Variants in BMPR1A observed in about 807,000 individuals in gnomAD.
The protein encoded by BMPR1A is bone morphogenetic protein receptor type 1A.
A neutral mutation model predicts 66.0 loss-of-function variants in BMPR1A; 7 were observed. That is an observed-to-expected ratio of 0.11 (90% CI 0.06 to 0.20). BMPR1A has a LOEUF of 0.20. Among genes scored for constraint, BMPR1A ranks in the 10% least tolerant of loss-of-function variants. The pLI, the probability that BMPR1A is intolerant of heterozygous loss-of-function variation, is 1.00. For missense variants in BMPR1A, 408 were observed against 669.1 expected (o/e 0.61, Z 4.31); for synonymous variants, 200 against 229.7 (o/e 0.87, Z 1.17).
At chr10:86,806,814 TC>T (rs1484123293) in intron 1 of BMPR1A, among the ~76,000 whole-genome samples, 2 of 152,032 alleles carry the variant, frequency 1.3e-5, no homozygotes, top group Non-Finnish European at 2.9e-5. Flanking sequence ...CCTCCCAAAG[TC>T]CTGGGATTAC....
rs150991310 is a variant in BMPR1A, at chr10:86,824,105, G to GTGTGTGTGTGTGTGTGTGTGTT, written c.-267-14753_-267-14752insGTGTGTGTGTGTGTTTGTGTGT. Among the ~76,000 whole-genome samples, 457 of 147,378 alleles carry GTGTGTGTGTGTGTGTGTGTGTT rather than the reference G, an allele frequency of 3.1e-3. 2 individuals carry two copies. The highest frequency in any genetic ancestry group is 7.5e-3 in the African/African-American group (304 of 40,558). On this transcript the variant is annotated intron_variant, in intron 1 of 12. Coordinates refer to ENST00000372037, the MANE Select transcript of BMPR1A (RefSeq NM_004329.3). ...GTTGTGTGTGTGTGTGTGTGTGTGTGTGTGTGTTTCTTTCAGTCTCACTTG... is the reference window on the plus strand; with the variant it reads ...GTTGTGTGTGTGTGTGTGTGTGTGTGTGTGTGTGTGTGTGTGTGTGTTTGTGTGTTTCTTTCAGTCTCACTTG...
chr10:86,899,755 A>G, intron 5 of BMPR1A, 39 bp from the exon 6 acceptor site: 3 of 1,579,618 alleles, frequency 1.9e-6, no homozygotes, highest in Non-Finnish European at 2.6e-6. Context: ...AGTTTAAAAT[A>G]CCAAACCATT....
intron 2 of BMPR1A, among the ~76,000 whole-genome samples, chr10:86,863,844 A>G (rs923546729): frequency 3.3e-5 from 5 of 152,206 alleles, no homozygotes; most frequent in Admixed American, 3.3e-4. Context: ...CCTGAATTAA[A>G]AAAAATTTTT....
chr10:86,834,597 T>C (rs1018252029), intron 1 of BMPR1A, among the ~76,000 whole-genome samples: 12 of 152,336 alleles, frequency 7.9e-5, no homozygotes, highest in African/African-American at 2.9e-4. Context: ...ATTCAATTTA[T>C]AAATGAAGTT....
intron 1 of BMPR1A, among the ~76,000 whole-genome samples, chr10:86,802,877 C>T (rs1215131797): frequency 1.3e-5 from 2 of 151,692 alleles, no homozygotes; most frequent in South Asian, 2.1e-4. Context: ...TGGAGACCTG[C>T]GTGGACAACG....
intron 1 of BMPR1A, among the ~76,000 whole-genome samples, chr10:86,798,856 A>G (rs1365047530): frequency 6.6e-6 from 1 of 152,252 alleles, no homozygotes; most frequent in Non-Finnish European, 1.5e-5. Flanking sequence ...TGAGTGGGGA[A>G]TCCGACTTGT....
chr10:86,780,192 A>G (rs566127211), intron 1 of BMPR1A, among the ~76,000 whole-genome samples: 128 of 152,186 alleles, frequency 8.4e-4, no homozygotes, highest in African/African-American at 3.0e-3. Flanking sequence ...TTACTTGTAT[A>G]TTCTGTATAT....
chr10:86,919,033 C>A, intron 9 of BMPR1A, 139 bp from the exon 10 acceptor site: 1 of 840,298 alleles, frequency 1.2e-6, no homozygotes, highest in Admixed American at 2.0e-5. Context: ...GTAACACATT[C>A]ACGACTTGGT....
intron 8 of BMPR1A, among the ~76,000 whole-genome samples, chr10:86,912,591 T>G (rs144516570): frequency 1.2e-3 from 180 of 152,236 alleles, no homozygotes; most frequent in South Asian, 3.9e-3. Flanking sequence ...TCAAGTAAGA[T>G]AGAGCTATAA....
At chr10:86,843,787 T>A (rs1472703082) in intron 2 of BMPR1A, among the ~76,000 whole-genome samples, 6 of 152,202 alleles carry the variant, frequency 3.9e-5, no homozygotes, top group Non-Finnish European at 8.8e-5. Context: ...GAAAGCTCTT[T>A]TAGTGAAATT....
At chr10:86,893,124 GATTA>G (rs1843176386) in intron 5 of BMPR1A, among the ~76,000 whole-genome samples, 1 of 152,016 alleles carries the variant, frequency 6.6e-6, no homozygotes, top group Non-Finnish European at 1.5e-5. Flanking sequence ...CTTATTTGTA[GATTA>G]TAAAATTTAC....
At chr10:86,913,645 C>T (rs377548479) in intron 8 of BMPR1A, among the ~76,000 whole-genome samples, 12 of 151,972 alleles carry the variant, frequency 7.9e-5, no homozygotes, top group African/African-American at 2.7e-4. Flanking sequence ...TAGCAACAAA[C>T]AATTAGGTAA....
At chr10:86,790,379 T>G (rs1201613402) in intron 1 of BMPR1A, among the ~76,000 whole-genome samples, 1 of 151,520 alleles carries the variant, frequency 6.6e-6, no homozygotes, top group Non-Finnish European at 1.5e-5. Flanking sequence ...GCAGCTGGTC[T>G]GGAAACAGAT....
chr10:86,859,527 TGAAAA>T (rs1401234438), intron 2 of BMPR1A, among the ~76,000 whole-genome samples: 1 of 152,104 alleles, frequency 6.6e-6, no homozygotes, highest in Non-Finnish European at 1.5e-5. Context: ...CTATACTTAT[TGAAAA>T]GAAGAGACCG....
At chr10:86,853,696 G>A (rs892841085) in intron 2 of BMPR1A, among the ~76,000 whole-genome samples, 32 of 152,132 alleles carry the variant, frequency 2.1e-4, no homozygotes, top group Non-Finnish European at 1.0e-4. Flanking sequence ...GGTAGATTCC[G>A]TGATGCCCCA....
At chr10:86,768,860 T>G (rs1012548318) in intron 1 of BMPR1A, among the ~76,000 whole-genome samples, 4 of 152,224 alleles carry the variant, frequency 2.6e-5, no homozygotes, top group African/African-American at 9.6e-5. Context: ...AGGATAATAA[T>G]GGTCCTCTCT....
intron 1 of BMPR1A, among the ~76,000 whole-genome samples, chr10:86,764,070 C>T (rs987073559): frequency 4.6e-5 from 7 of 152,148 alleles, no homozygotes; most frequent in Non-Finnish European, 8.8e-5. Flanking sequence ...GGATTACAGG[C>T]GTGAGCCACC....
intron 1 of BMPR1A, among the ~76,000 whole-genome samples, chr10:86,758,537 G>A (rs1847917486): frequency 6.6e-6 from 1 of 152,004 alleles, no homozygotes; most frequent in African/African-American, 2.4e-5. Context: ...CTTTTCTTAA[G>A]TCTGCTACTC....
chr10:86,792,308 G>A (rs553107870), intron 1 of BMPR1A, among the ~76,000 whole-genome samples: 1 of 151,862 alleles, frequency 6.6e-6, no homozygotes, highest in Non-Finnish European at 1.5e-5. Flanking sequence ...ATTGTGGTCC[G>A]CTTGCCTCAG....
Sources: allele counts gnomAD v4.1 joint callset (sites outside exome capture counted in the v4.1 genomes callset), GRCh38; gene constraint gnomAD v4.1.1; transcripts MANE v1.5; gene names NCBI Gene and HGNC (gene_info 2026-07-23, HGNC 2026-07-21).